AGPS: variants seen among roughly 807,000 people sequenced by gnomAD.
AGPS encodes alkyldihydroxyacetonephosphate synthase, peroxisomal.
A neutral mutation model predicts 90.7 loss-of-function variants in AGPS; 26 were observed. The ratio of observed to expected loss-of-function variants is 0.29; its 90% CI spans 0.21 to 0.40. AGPS has a LOEUF of 0.40. Among genes scored for constraint, AGPS ranks in the 10% least tolerant of loss-of-function variants. The pLI is 1.00. For synonymous variants in AGPS, 294 were observed against 285.3 expected (o/e 1.03, Z -0.31); for missense variants, 540 against 816.1 (o/e 0.66, Z 4.12).
At chr2:177,517,621 G>A (rs377732034) in intron 17 of AGPS, among the ~76,000 whole-genome samples, 21 of 152,126 alleles carry the variant, frequency 1.4e-4, no homozygotes, top group African/African-American at 5.1e-4. Flanking sequence ...TGGGCCAATT[G>A]GAAAAACATT....
chr2:177,401,333 A>G (rs899421633), intron 1 of AGPS, among the ~76,000 whole-genome samples: 8 of 152,082 alleles, frequency 5.3e-5, no homozygotes, highest in Non-Finnish European at 1.2e-4. Context: ...TCATTCTTTT[A>G]AGATCGAACT....
chr2:177,467,317 A>G (rs906979824), intron 9 of AGPS, among the ~76,000 whole-genome samples: 4 of 152,196 alleles, frequency 2.6e-5, no homozygotes, highest in Non-Finnish European at 5.9e-5. Context: ...TTGAGAATGC[A>G]TGGTTTATTT....
intron 9 of AGPS, among the ~76,000 whole-genome samples, chr2:177,465,815 T>A (rs1687428862): frequency 6.6e-6 from 1 of 152,226 alleles, no homozygotes; most frequent in Non-Finnish European, 1.5e-5. Context: ...GGGCCACAGC[T>A]CTTCTCTCCT....
At position 177,521,210 on chromosome 2, in the gene AGPS, A is replaced by T; in HGVS notation, c.1698-59A>T. On this transcript the variant is annotated intron_variant, in intron 17 of 19. Transcript: ENST00000264167. ...GGTCGTCTTGACTTTCAGTTTCTAGATGTTAAATCTGATTTCACTTAACTT... is the reference window on the plus strand; with the variant it reads ...GGTCGTCTTGACTTTCAGTTTCTAGTTGTTAAATCTGATTTCACTTAACTT... The T allele has an allele frequency of 2.1e-6, 3 of 1,405,100 alleles. No homozygotes were observed. In the South Asian group the frequency reaches 3.5e-5, roughly 16 times the overall value. The allele number at this position is 1,405,100 out of a possible 1,614,324, so 87.0% of individuals were successfully genotyped here.
At chr2:177,446,149 C>CTTTT in intron 8 of AGPS, among the ~76,000 whole-genome samples, 1 of 147,960 alleles carries the variant, frequency 6.8e-6, no homozygotes. Context: ...GTGACTGTTA[C>CTTTT]TTTTTTTTTT....
chr2:177,519,759 A>G (rs1045704630), intron 17 of AGPS, among the ~76,000 whole-genome samples: 2 of 152,204 alleles, frequency 1.3e-5, no homozygotes, highest in Non-Finnish European at 2.9e-5. Context: ...TCCCAGGATG[A>G]TCCAGACCTC....
intron 8 of AGPS, among the ~76,000 whole-genome samples, chr2:177,457,250 A>G (rs1018074651): frequency 2.6e-5 from 4 of 152,222 alleles, no homozygotes; most frequent in African/African-American, 9.6e-5. Flanking sequence ...GTGAGGATCT[A>G]AAATTGACAC....
chr2:177,435,189 G>A (rs1686367063), intron 3 of AGPS, among the ~76,000 whole-genome samples: 1 of 151,510 alleles, frequency 6.6e-6, no homozygotes, highest in Non-Finnish European at 1.5e-5. Context: ...ATAAGTACAG[G>A]GCTATGTCTT....
intron 1 of AGPS, among the ~76,000 whole-genome samples, chr2:177,407,275 A>C (rs992477945): frequency 6.6e-6 from 1 of 152,214 alleles, no homozygotes. Context: ...CATAGAAAGG[A>C]GTAATAAGAA....
intron 13 of AGPS, among the ~76,000 whole-genome samples, chr2:177,498,329 C>A (rs1187383239): frequency 1.3e-5 from 2 of 151,060 alleles, no homozygotes; most frequent in Non-Finnish European, 3.0e-5. Context: ...GTTATTTTTG[C>A]CAGGTGGTGG....
chr2:177,471,478 G>A (rs574672125), intron 10 of AGPS, among the ~76,000 whole-genome samples: 323 of 152,160 alleles, frequency 2.1e-3, no homozygotes, highest in African/African-American at 7.2e-3. Context: ...AATGAAAAAT[G>A]TAATAAATAT....
At chr2:177,474,406 C>T (rs557890177) in intron 10 of AGPS, among the ~76,000 whole-genome samples, 8 of 152,304 alleles carry the variant, frequency 5.3e-5, no homozygotes, top group African/African-American at 1.9e-4. Context: ...AACAGGCTCC[C>T]ACCTCACAGA....
chr2:177,477,489 C>G (rs1290838391), intron 10 of AGPS, among the ~76,000 whole-genome samples: 1 of 152,096 alleles, frequency 6.6e-6, no homozygotes. Context: ...ACTTCTTGAT[C>G]ACTGACTTGA....
At chr2:177,413,862 A>G (rs1685708919) in intron 1 of AGPS, among the ~76,000 whole-genome samples, 1 of 152,206 alleles carries the variant, frequency 6.6e-6, no homozygotes, top group South Asian at 2.1e-4. Flanking sequence ...ATGAATGACT[A>G]ATAGTGTGTA....
At chr2:177,448,169 T>G (rs1451673727) in intron 8 of AGPS, among the ~76,000 whole-genome samples, 1 of 152,100 alleles carries the variant, frequency 6.6e-6, no homozygotes, top group Non-Finnish European at 1.5e-5. Flanking sequence ...ACTGCAAACC[T>G]CAATATAGCT....
intron 17 of AGPS, among the ~76,000 whole-genome samples, chr2:177,514,804 A>G (rs1315906336): frequency 6.6e-6 from 1 of 152,092 alleles, no homozygotes. Flanking sequence ...GTAAAATTCT[A>G]ACATGAGATC....
chr2:177,497,632 T>C, intron 12 of AGPS, 57 bp from the exon 13 acceptor site: 2 of 999,182 alleles, frequency 2.0e-6, no homozygotes, highest in East Asian at 5.2e-5. Flanking sequence ...GAGTAGCTTC[T>C]TGATCTTCTG....
intron 2 of AGPS, among the ~76,000 whole-genome samples, chr2:177,427,497 T>C (rs569491396): frequency 1.3e-5 from 2 of 152,322 alleles, no homozygotes; most frequent in South Asian, 4.1e-4. Context: ...TGCTAGAAAT[T>C]TTCCTCTTAA....
rs1377245902 is a variant in AGPS at position 177,539,991 on chromosome 2, G to A, written c.*1796G>A. The A allele has an allele frequency of 1.3e-5, 1 of 75,946 alleles. No individual in the cohort carries two copies. The allele number at this position is 75,946 out of a possible 1,614,324, so 4.7% of individuals were successfully genotyped here. On this transcript the variant is annotated 3_prime_UTR_variant, in exon 20 of 20. Coordinates refer to ENST00000264167, the MANE Select transcript of AGPS (RefSeq NM_003659.4). ...CACGAAGGTAATTTCTTTAATTGGT[G>A]ATCAAAATATAAAATTAAGGTACTA...
Sources: allele counts gnomAD v4.1 joint callset (sites outside exome capture counted in the v4.1 genomes callset), GRCh38; gene constraint gnomAD v4.1.1; transcripts MANE v1.5; gene names NCBI Gene and HGNC (gene_info 2026-07-23, HGNC 2026-07-21).